Variants in PLPP4 observed in about 807,000 individuals in gnomAD.
PLPP4 encodes phospholipid phosphatase 4, also known as diacylglycerol pyrophosphate like 2.
In PLPP4, 20 loss-of-function variants were observed where a neutral mutation model predicts 32.2. That is an observed-to-expected ratio of 0.62 (90% CI 0.44 to 0.90). PLPP4 has a LOEUF of 0.90. PLPP4 is among the 40% of genes least tolerant of loss of function. PLPP4 has a pLI of 0.00. For missense variants in PLPP4, 257 were observed against 353.1 expected, an observed-to-expected ratio of 0.73 and a Z score of 2.18; for synonymous variants, 127 against 133.0, an observed-to-expected ratio of 0.95 and a Z score of 0.31.
At chr10:120,498,165 T>TA (rs1433506621) in intron 1 of PLPP4, among the ~76,000 whole-genome samples, 1 of 152,210 alleles carries the variant, frequency 6.6e-6, no homozygotes. Context: ...AAGAAAATAA[T>TA]ACGTTTACTG....
intron 1 of PLPP4, among the ~76,000 whole-genome samples, chr10:120,469,574 A>G (rs1335924367): frequency 6.6e-6 from 1 of 152,140 alleles, no homozygotes; most frequent in Non-Finnish European, 1.5e-5. Context: ...AGGAAGAATT[A>G]CACCACAATG....
intron 1 of PLPP4, among the ~76,000 whole-genome samples, chr10:120,495,239 C>G (rs1262945652): frequency 1.3e-5 from 2 of 152,178 alleles, no homozygotes; most frequent in Non-Finnish European, 2.9e-5. Flanking sequence ...GAGATGTCTG[C>G]AATATCATAA....
intron 1 of PLPP4, among the ~76,000 whole-genome samples, chr10:120,494,419 C>T (rs1056223540): frequency 6.6e-6 from 1 of 152,188 alleles, no homozygotes; most frequent in African/African-American, 2.4e-5. Flanking sequence ...CCCAGGAGAG[C>T]TGCCCGCAGA....
At chr10:120,469,403 A>G (rs1848419134) in intron 1 of PLPP4, among the ~76,000 whole-genome samples, 2 of 151,902 alleles carry the variant, frequency 1.3e-5, no homozygotes, top group Admixed American at 1.3e-4. Context: ...AATTTTTTGT[A>G]TTTTTAGTAG....
chr10:120,510,226 C>G (rs1169941382), intron 2 of PLPP4, among the ~76,000 whole-genome samples: 2 of 152,156 alleles, frequency 1.3e-5, no homozygotes, highest in Non-Finnish European at 2.9e-5. Context: ...AACAAGTGAG[C>G]AGAACTCAAG....
intron 6 of PLPP4, chr10:120,581,269 G>T (rs77377574): frequency 0.046 from 45,314 of 985,266 alleles, 1,143 homozygotes; most frequent in Admixed American, 0.1. Context: ...TCAGCTTTCT[G>T]TGGTGTTCTG....
intron 6 of PLPP4, chr10:120,580,948 A>C (rs1352672296): frequency 3.9e-6 from 5 of 1,289,196 alleles, no homozygotes; most frequent in Non-Finnish European, 4.0e-6. Flanking sequence ...ATCGGCTGCC[A>C]ACCCCCGCCT....
rs1848405372 is a variant in PLPP4 at position 120,469,008 on chromosome 10, G to C, written c.56+11647G>C. On this transcript the variant is annotated intron_variant, in intron 1 of 6. Transcript: ENST00000398250. ...AATCCTCACATACAAAGATTTTTTTGCTGTGTTCCATACAAAACAAAGTAA... is the reference window on the plus strand; with the variant it reads ...AATCCTCACATACAAAGATTTTTTTCCTGTGTTCCATACAAAACAAAGTAA... Among the ~76,000 whole-genome samples the C allele has an allele frequency of 3.1e-5, 2 of 64,238 alleles. 1 individual carries two copies. Among genetic ancestry groups the C allele is most frequent in the African/African-American group, 6.6e-5 (2 of 30,086 alleles). 42.1% of individuals were successfully genotyped at this position (64,238 alleles called of 152,430 possible). A position where few individuals can be genotyped will look rare whatever the true frequency, so the allele number is the denominator to read the frequency against.
chr10:120,537,898 C>A (rs1340178275), intron 5 of PLPP4, among the ~76,000 whole-genome samples: 1 of 151,486 alleles, frequency 6.6e-6, no homozygotes. Flanking sequence ...TTCCCTTTTT[C>A]TGGAAATTGT....
chr10:120,560,796 G>A lies in PLPP4; in HGVS notation c.446-14335G>A, dbSNP rs1848398238. ...AAAAATAGTGGTATTAATTTTAATG[G>A]TAAAAACTGAAATTATTTTTGCACC... On this transcript the variant is annotated intron_variant, in intron 5 of 6. Transcript: ENST00000398250. Among the ~76,000 whole-genome samples the A allele has an allele frequency of 2.6e-5, 4 of 152,176 alleles. No homozygotes were observed. In the South Asian group the frequency reaches 8.3e-4, roughly 32 times the overall value.
At chr10:120,478,482 C>T (rs1844035835) in intron 1 of PLPP4, among the ~76,000 whole-genome samples, 1 of 152,272 alleles carries the variant, frequency 6.6e-6, no homozygotes, top group South Asian at 2.1e-4. Flanking sequence ...AATTATGAAA[C>T]AAGCATAGGC....
intron 5 of PLPP4, among the ~76,000 whole-genome samples, chr10:120,554,441 G>A (rs549480556): frequency 1.4e-5 from 2 of 145,086 alleles, no homozygotes; most frequent in African/African-American, 5.0e-5. Context: ...TCATCTTCCT[G>A]TCTTTGGCTG....
chr10:120,536,861 A>G (rs1847053523), intron 5 of PLPP4, among the ~76,000 whole-genome samples: 1 of 152,146 alleles, frequency 6.6e-6, no homozygotes, highest in Admixed American at 6.5e-5. Flanking sequence ...TAGCAAAAAG[A>G]CAAATAACCC....
At chr10:120,532,823 G>T (rs562854014) in intron 5 of PLPP4, among the ~76,000 whole-genome samples, 1 of 152,030 alleles carries the variant, frequency 6.6e-6, no homozygotes, top group Non-Finnish European at 1.5e-5. Context: ...TTATTGCTCA[G>T]TAATCTTTTA....
chr10:120,568,551 A>G (rs1331112645), intron 5 of PLPP4, among the ~76,000 whole-genome samples: 1 of 152,208 alleles, frequency 6.6e-6, no homozygotes, highest in African/African-American at 2.4e-5. Context: ...ATTACTATTC[A>G]AATATCTTCA....
intron 1 of PLPP4, among the ~76,000 whole-genome samples, chr10:120,486,976 T>A (rs1157318161): frequency 6.6e-6 from 1 of 152,360 alleles, no homozygotes; most frequent in South Asian, 2.1e-4. Flanking sequence ...TGCTGCCTTC[T>A]CCTTCACTGT....
At chr10:120,579,050 C>T (rs1023717923) in intron 6 of PLPP4, among the ~76,000 whole-genome samples, 20 of 152,156 alleles carry the variant, frequency 1.3e-4, no homozygotes, top group African/African-American at 4.6e-4. Flanking sequence ...TATGTGATTA[C>T]GATTTCTTGT....
At position 120,569,849 on chromosome 10, in the gene PLPP4, T is replaced by C. The variant is rs182773553; in HGVS notation, c.446-5282T>C. On this transcript the variant is annotated intron_variant, in intron 5 of 6. Coordinates refer to ENST00000398250, the MANE Select transcript of PLPP4 (RefSeq NM_001030059.3). ...AGGCAGTGTGTTCGGTCCTAGAGCT[T>C]CAACAGTGACCCTGATGGGCATGTC... Among the ~76,000 whole-genome samples, 307 of 152,310 alleles carry C rather than the reference T, an allele frequency of 2.0e-3. 2 individuals carry two copies. The highest frequency in any genetic ancestry group is 7.0e-3 in the African/African-American group (291 of 41,590).
chr10:120,550,705 GA>G (rs1847856979), intron 5 of PLPP4, among the ~76,000 whole-genome samples: 1 of 151,616 alleles, frequency 6.6e-6, no homozygotes, highest in South Asian at 2.1e-4. Context: ...AAAAGTGTGG[GA>G]AAAAAGTAAG....
Sources: allele counts gnomAD v4.1 joint callset (sites outside exome capture counted in the v4.1 genomes callset), GRCh38; gene constraint gnomAD v4.1.1; transcripts MANE v1.5; gene names NCBI Gene and HGNC (gene_info 2026-07-23, HGNC 2026-07-21).